Variants in CLCNKB observed in about 807,000 individuals in gnomAD.
The protein encoded by CLCNKB is chloride channel protein ClC-Kb.
A neutral mutation model predicts 83.8 loss-of-function variants in CLCNKB; 74 were observed. The ratio of observed to expected loss-of-function variants is 0.88; its 90% CI spans 0.73 to 1.07. The LOEUF is 1.07. CLCNKB is among the 50% of genes least tolerant of loss of function. The probability of loss-of-function intolerance (pLI) is 0.00; values close to 1 mark genes in which losing one functional copy is unlikely to be tolerated. For missense variants in CLCNKB, 798 were observed against 893.6 expected, an observed-to-expected ratio of 0.89 and a Z score of 1.36; for synonymous variants, 358 against 356.6, an observed-to-expected ratio of 1.00 and a Z score of -0.04.
rs111550184 is a variant in CLCNKB at position 16,048,015 on chromosome 1, T to C, written c.469T>C (p.Cys157Arg). 1 of 1,614,020 alleles carries C rather than the reference T, an allele frequency of 6.2e-7. No individual in the cohort carries two copies. Residue 157 changes from cysteine to arginine, a missense_variant, in exon 5 of 20, where the codon TGT becomes CGT. By Grantham distance (180) the Cys-to-Arg change is radical. Transcript: ENST00000375679. ...GGTGGGCCTCTCCTGCACCCTGGCCTGTGGCAGCACCCTCTTCCTCGGGAA... is the reference window on the plus strand; with the variant it reads ...GGTGGGCCTCTCCTGCACCCTGGCCCGTGGCAGCACCCTCTTCCTCGGGAA... Reference protein sequence around the residue: ...KVVGLSCTLACGSTLFLGKVG... With the variant: ...KVVGLSCTLARGSTLFLGKVG...
At chr1:16,049,992 CTCT>C in intron 10 of CLCNKB, 76 bp downstream of exon 10, 1 of 1,275,366 alleles carries the variant, frequency 7.8e-7, no homozygotes, top group Non-Finnish European at 1.1e-6. Flanking sequence ...ATGTAGAAAG[CTCT>C]ACCCGCCACC....
At chr1:16,049,733 C>T in intron 9 of CLCNKB, 31 bp downstream of exon 9, 4 of 1,598,190 alleles carry the variant, frequency 2.5e-6, no homozygotes, top group Non-Finnish European at 3.4e-6. Context: ...CCTGAGAGTC[C>T]AAAAGGCATT....
In CLCNKB at chr1:16,045,644, G is replaced by A. The variant is rs1414795306; in HGVS notation, c.187G>A (p.Val63Ile). The A allele has an allele frequency of 6.2e-7, 1 of 1,614,064 alleles. No homozygotes were observed. The highest frequency in any genetic ancestry group is 8.5e-7 in the Non-Finnish European group (1 of 1,179,940). Reference sequence around the variant, plus strand: ...GACCCTCGGGGTGCTCATGGCCCTGGTCAGCTGTGCCATGGACTTGGCTGT... The same window carrying A: ...GACCCTCGGGGTGCTCATGGCCCTGATCAGCTGTGCCATGGACTTGGCTGT... ...LMTLGVLMAL[V>I]SCAMDLAVES... Residue 63 changes from valine (V) to isoleucine (I), a missense_variant, in exon 3 of 20, where the codon GTC becomes ATC. Val to Ile is a conservative substitution (Grantham distance 29). Coordinates refer to ENST00000375679, the MANE Select transcript of CLCNKB (RefSeq NM_000085.5).
chr1:16,045,786 G>A (rs956745473), intron 3 of CLCNKB, 100 bp downstream of exon 3: 4 of 1,160,482 alleles, frequency 3.4e-6, no homozygotes, highest in Admixed American at 2.1e-5. Context: ...GGTTGGGGGG[G>A]GTGCTCTGGG....
rs1283020480 is a variant in CLCNKB at position 16,050,407 on chromosome 1, C to A, written c.969-109C>A. On this transcript the variant is annotated intron_variant, in intron 10 of 19. Coordinates refer to ENST00000375679, the MANE Select transcript of CLCNKB (RefSeq NM_000085.5). ...CCCTGGAGCTGGCCCAGTCCATGTC[C>A]CCCATTCCTGCTCTTCCTCCCCAGT... 5.7e-6 allele frequency: 7 copies of A among 1,218,408 alleles called. No homozygotes were observed. The Admixed American group carries it at 8.5e-5, about 15-fold the overall frequency. 75.5% of individuals were successfully genotyped at this position (1,218,408 alleles called of 1,614,324 possible).
At chr1:16,051,610 G>C (rs2023295530) in intron 13 of CLCNKB, 63 bp downstream of exon 13, 1 of 1,608,250 alleles carries the variant, frequency 6.2e-7, no homozygotes, top group Admixed American at 1.7e-5. Flanking sequence ...CATGGCTCCT[G>C]GTTCACCCTC....
rs140705060 is a variant in CLCNKB at position 16,050,901 on chromosome 1, G to A, written c.1080G>A (p.Ser360=). Reference sequence around the variant, plus strand: ...TGTCCATGAAGCAGCATCTGGACTCGCTGTTCGACAACCACTCCTGGGCGC... The same window carrying A: ...TGTCCATGAAGCAGCATCTGGACTCACTGTTCGACAACCACTCCTGGGCGC... ...SRLSMKQHLD[S]LFDNHSWALM... Residue 360 remains serine, a synonymous_variant, in exon 12 of 20, where the codon TCG becomes TCA. Transcript: ENST00000375679. 2.0e-4 allele frequency: 329 copies of A among 1,612,264 alleles called. No homozygotes were observed. Among genetic ancestry groups the A allele is most frequent in the Non-Finnish European group, 2.2e-4 (256 of 1,179,912 alleles).
chr1:16,055,055 G>A (rs2023395948), intron 16 of CLCNKB, among the ~76,000 whole-genome samples: 3 of 152,182 alleles, frequency 2.0e-5, no homozygotes, highest in African/African-American at 7.2e-5. Context: ...TCACTGTGCT[G>A]CGCCAAATGT....
In CLCNKB at chr1:16,049,812, CA is replaced by C; in HGVS notation, c.867-2del. On this transcript the variant is annotated splice_acceptor_variant, in intron 9 of 19. Transcript: ENST00000375679. LOFTEE classifies it high-confidence loss of function. ...TCTGGGCTCATGTCTCCATGCTCCC[CA>C]GGGGTCTCTGTGGCATCCTGGGCAG... The C allele has an allele frequency of 6.2e-7, 1 of 1,613,872 alleles. No homozygotes were observed. The highest frequency in any genetic ancestry group is 1.3e-5 in the African/African-American group (1 of 74,942).
At chr1:16,051,634 G>C in intron 13 of CLCNKB, 76 bp from the exon 14 acceptor site, 16 of 1,605,538 alleles carry the variant, frequency 1.0e-5, no homozygotes, top group Non-Finnish European at 1.4e-5. Context: ...AGGTTGTACT[G>C]AGGACGGTCC....
Position 16,052,382 on chromosome 1 carries a change from C to T in CLCNKB, c.1593C>T (p.Tyr531=), listed in dbSNP as rs746356766. 1 of 1,613,546 alleles carries T rather than the reference C, an allele frequency of 6.2e-7. No individual in the cohort carries two copies. The highest frequency in any genetic ancestry group is 2.2e-5 in the East Asian group (1 of 44,886). Residue 531 remains tyrosine (Y), a synonymous_variant, in exon 15 of 20, where the codon TAC becomes TAT. Coordinates refer to ENST00000375679, the MANE Select transcript of CLCNKB (RefSeq NM_000085.5). The part of the protein sequence containing the change: ...DGTVIVKKLP[Y]LPRILGRNIG... ...CCGTCATTGTCAAGAAGCTGCCATACCTGCCACGGATTCTGGGCCGCAACA... is the reference window on the plus strand; with the variant it reads ...CCGTCATTGTCAAGAAGCTGCCATATCTGCCACGGATTCTGGGCCGCAACA...
At chr1:16,048,155 C>A (rs1367387488) in intron 5 of CLCNKB, 111 bp downstream of exon 5, 2 of 1,479,020 alleles carry the variant, frequency 1.4e-6, no homozygotes, top group African/African-American at 1.4e-5. Context: ...CTGGTCCCTG[C>A]CTTCCAGGAA....
At chr1:16,050,758 A>G in intron 11 of CLCNKB, 117 bp from the exon 12 acceptor site, 1 of 1,549,014 alleles carries the variant, frequency 6.5e-7, no homozygotes, top group Non-Finnish European at 8.8e-7. Flanking sequence ...GCCCTGCCCA[A>G]GGCCCCCCGC....
chr1:16,044,793 C>T (rs1470469097), intron 2 of CLCNKB, among the ~76,000 whole-genome samples: 1 of 152,224 alleles, frequency 6.6e-6, no homozygotes, highest in South Asian at 2.1e-4. Flanking sequence ...GGCCGGGCAT[C>T]TGCCCTCTGC....
chr1:16,056,101 G>A (rs1557473796), intron 18 of CLCNKB, among the ~76,000 whole-genome samples: 1 of 152,212 alleles, frequency 6.6e-6, no homozygotes, highest in Admixed American at 6.5e-5. Context: ...TTGGACAAAC[G>A]ACTTAACCAC....
intron 3 of CLCNKB, 35 bp downstream of exon 3, chr1:16,045,721 A>T: frequency 6.9e-7 from 1 of 1,455,016 alleles, no homozygotes; most frequent in African/African-American, 1.4e-5. Context: ...CTCTGGGCCA[A>T]GGGATTCTGA....
At position 16,055,542 on chromosome 1, in the gene CLCNKB, C is replaced by G. The variant is rs1253110514; in HGVS notation, c.1845+19C>G. Reference sequence around the variant, plus strand: ...ACACCAGGTGGGTACTCCTGAGGGGCATGGGGATGGGGCGGGGGTGGGTCA... The same window carrying G: ...ACACCAGGTGGGTACTCCTGAGGGGGATGGGGATGGGGCGGGGGTGGGTCA... On this transcript the variant is annotated intron_variant, in intron 17 of 19. Transcript: ENST00000375679. The G allele has an allele frequency of 5.0e-6, 6 of 1,201,136 alleles. No individual in the cohort carries two copies. The highest frequency in any genetic ancestry group is 7.4e-6 in the Non-Finnish European group (6 of 814,486). 74.4% of individuals were successfully genotyped at this position (1,201,136 alleles called of 1,614,324 possible). A position where few individuals can be genotyped will look rare whatever the true frequency, so the allele number is the denominator to read the frequency against.
At chr1:16,045,222 G>A (rs779999140) in intron 2 of CLCNKB, among the ~76,000 whole-genome samples, 1 of 152,168 alleles carries the variant, frequency 6.6e-6, no homozygotes, top group African/African-American at 2.4e-5. Flanking sequence ...TGGACTCTGC[G>A]GGGATGCAGG....
chr1:16,048,420 G>C lies in CLCNKB; in HGVS notation c.576G>C (p.Glu192Asp), dbSNP rs1240234083. 1 of 1,613,940 alleles carries C rather than the reference G, an allele frequency of 6.2e-7. No individual in the cohort carries two copies. The highest frequency in any genetic ancestry group is 8.5e-7 in the Non-Finnish European group (1 of 1,179,994). Residue 192 changes from glutamate to aspartate, a missense_variant and splice_region_variant, in exon 6 of 20, where the codon GAG (glutamate) becomes GAC (aspartate). Glu to Asp is a conservative substitution (Grantham distance 45). Transcript: ENST00000375679. The stretch of plus-strand genomic sequence containing the variant: ...GCACCACGACCATCGGGGAGCCTGA[G>C]GTTAGGGACTCGGGGGCTTCCTTGG... Reference protein sequence around the residue: ...RVRTTTIGEPENKSKQNEMLV... With the variant: ...RVRTTTIGEPDNKSKQNEMLV...
Sources: gnomAD v4.1 joint callset for allele counts (sites outside exome capture counted in the v4.1 genomes callset) on GRCh38, gnomAD v4.1.1 for gene constraint, MANE v1.5 for transcripts, NCBI Gene and HGNC (gene_info 2026-07-23, HGNC 2026-07-21) for gene names.